The following TRPM6 variants were observed in gnomAD, a reference collection of about 807,000 sequenced individuals.
The protein encoded by TRPM6 is transient receptor potential cation channel subfamily M member 6.
In TRPM6, 111 loss-of-function variants were observed where a neutral mutation model predicts 247.6. That is an observed-to-expected ratio of 0.45 (90% CI 0.38 to 0.52). The LOEUF (loss-of-function observed/expected upper bound fraction) is 0.52. Among genes scored for constraint, TRPM6 ranks in the 20% least tolerant of loss-of-function variants. The pLI is 0.00. For missense variants in TRPM6, 2,126 were observed against 2,421.5 expected, an observed-to-expected ratio of 0.88 and a Z score of 2.56; for synonymous variants, 892 against 853.8, an observed-to-expected ratio of 1.04 and a Z score of -0.78.
chr9:74,854,038 T>C (rs974712153), intron 3 of TRPM6, among the ~76,000 whole-genome samples: 1 of 151,966 alleles, frequency 6.6e-6, no homozygotes, highest in Non-Finnish European at 1.5e-5. Context: ...ATCAAAATAC[T>C]GAAAAGAAAG....
chr9:74,787,939 T>G (rs1464896994), intron 20 of TRPM6, among the ~76,000 whole-genome samples: 1 of 152,100 alleles, frequency 6.6e-6, no homozygotes, highest in Non-Finnish European at 1.5e-5. Context: ...ATGGTCTCGA[T>G]CTCCTGACCT....
intron 1 of TRPM6, among the ~76,000 whole-genome samples, chr9:74,872,763 C>A (rs1206514410): frequency 1.3e-5 from 2 of 152,176 alleles, no homozygotes; most frequent in Admixed American, 6.5e-5. Context: ...AGCCACTGCG[C>A]GGAACCTGAT....
Position 74,763,121 on chromosome 9 carries a change from A to G in TRPM6, c.3550T>C (p.Tyr1184His), listed in dbSNP as rs775495891. 81 of 1,610,874 alleles carry G rather than the reference A, an allele frequency of 5.0e-5. No homozygotes were observed. The highest frequency in any genetic ancestry group is 6.2e-5 in the Non-Finnish European group (73 of 1,180,002). Reference sequence around the variant, plus strand: ...TCATTCATTTCTTTCAGCTGGAAGTACATCTCTGTAACCCTAGTGGTGAAG... The same window carrying G: ...TCATTCATTTCTTTCAGCTGGAAGTGCATCTCTGTAACCCTAGTGGTGAAG... ...RVTSERVTEMYFQLKEMNEKV... is the reference protein window; with the variant it reads ...RVTSERVTEMHFQLKEMNEKV... Residue 1184 changes from tyrosine to histidine, a missense_variant, in exon 26 of 39, where the codon TAC (tyrosine) becomes CAC (histidine). By Grantham distance (83) the Tyr-to-His change is moderately conservative. Coordinates refer to ENST00000360774, the MANE Select transcript of TRPM6 (RefSeq NM_017662.5).
At chr9:74,794,381 G>A (rs147669853) in intron 18 of TRPM6, among the ~76,000 whole-genome samples, 9 of 151,968 alleles carry the variant, frequency 5.9e-5, no homozygotes, top group East Asian at 1.9e-4. Flanking sequence ...TTAAGGCCTC[G>A]GGCATCTAGA....
chr9:74,727,971 T>C (rs1329786136), intron 38 of TRPM6, among the ~76,000 whole-genome samples: 3 of 152,128 alleles, frequency 2.0e-5, no homozygotes, highest in Non-Finnish European at 4.4e-5. Flanking sequence ...TTCATCCCAT[T>C]TAAGTCGGTG....
At chr9:74,873,581 T>C (rs1831094441) in intron 1 of TRPM6, among the ~76,000 whole-genome samples, 1 of 152,222 alleles carries the variant, frequency 6.6e-6, no homozygotes, top group African/African-American at 2.4e-5. Context: ...TCTGAGGATA[T>C]TACAGACTTG....
chr9:74,766,950 T>C (rs572319008), intron 25 of TRPM6, among the ~76,000 whole-genome samples: 1 of 152,132 alleles, frequency 6.6e-6, no homozygotes, highest in Non-Finnish European at 1.5e-5. Flanking sequence ...CAGAGTCACA[T>C]GGCCCATGAA....
At chr9:74,738,046 A>G (rs1174351233) in intron 36 of TRPM6, among the ~76,000 whole-genome samples, 1 of 152,210 alleles carries the variant, frequency 6.6e-6, no homozygotes, top group Non-Finnish European at 1.5e-5. Context: ...AAATCATGAA[A>G]AACACCCAGA....
chr9:74,866,991 A>G (rs957554004), intron 1 of TRPM6, among the ~76,000 whole-genome samples: 2 of 152,190 alleles, frequency 1.3e-5, no homozygotes, highest in Non-Finnish European at 2.9e-5. Context: ...TAACACAAAA[A>G]TTTTCCAAAA....
At chr9:74,851,688 G>C (rs1052497253) in intron 3 of TRPM6, among the ~76,000 whole-genome samples, 1 of 150,974 alleles carries the variant, frequency 6.6e-6, no homozygotes, top group African/African-American at 2.4e-5. Flanking sequence ...GGTGGAGGTT[G>C]TGGTGAGCCA....
At position 74,762,752 on chromosome 9, in the gene TRPM6, T is replaced by C. The variant is rs1826693292; in HGVS notation, c.3919A>G (p.Lys1307Glu). 1 of 1,614,198 alleles carries C rather than the reference T, an allele frequency of 6.2e-7. No homozygotes were observed. The change falls in exon 26 of 39, where the codon AAA becomes GAA. Residue 1307 changes from lysine to glutamate, a missense_variant. By Grantham distance (56) the Lys-to-Glu change is moderately conservative. Coordinates refer to ENST00000360774, the MANE Select transcript of TRPM6 (RefSeq NM_017662.5). ...RGALLEITNS[K>E]REATNVRNDQ... Reference sequence around the variant, plus strand: ...TTTCTTACATTTGTAGCCTCTCTTTTACTGTTTGTAATCTCAAGAAGTGCC... The same window carrying C: ...TTTCTTACATTTGTAGCCTCTCTTTCACTGTTTGTAATCTCAAGAAGTGCC...
chr9:74,866,644 G>A (rs1346677822), intron 1 of TRPM6, among the ~76,000 whole-genome samples: 5 of 151,994 alleles, frequency 3.3e-5, no homozygotes, highest in Non-Finnish European at 7.4e-5. Flanking sequence ...ACCACACCCG[G>A]CTAATTTTGT....
Position 74,855,547 on chromosome 9 carries a change from T to A in TRPM6, c.132A>T (p.Gln44His), listed in dbSNP as rs188804202. The A allele has an allele frequency of 1.9e-6, 3 of 1,608,956 alleles. No individual in the cohort carries two copies. Among genetic ancestry groups the A allele is most frequent in the South Asian group, 2.2e-5 (2 of 90,964 alleles). ...CTTACCTGATTAAATTCTGGCAGACTTGGCATACTGGAGTACATCTAAATT... is the reference window on the plus strand; with the variant it reads ...CTTACCTGATTAAATTCTGGCAGACATGGCATACTGGAGTACATCTAAATT... ...KNPHRCTPVCQVCQNLIRCYC... is the reference protein window; with the variant it reads ...KNPHRCTPVCHVCQNLIRCYC... The change falls in exon 3 of 39, where the codon CAA (glutamine) becomes CAT (histidine). Residue 44 changes from glutamine (Q) to histidine (H), a missense_variant. By Grantham distance (24) the Gln-to-His change is conservative (BLOSUM62 0). Around this residue, in one of 3 missense-constraint regions of TRPM6, gnomAD observed 1,082 missense variants for 1,307.9 expected, o/e 0.83. Coordinates refer to ENST00000360774, the MANE Select transcript of TRPM6 (RefSeq NM_017662.5).
At chr9:74,877,847 C>T (rs1014284989) in intron 1 of TRPM6, among the ~76,000 whole-genome samples, 4 of 152,194 alleles carry the variant, frequency 2.6e-5, no homozygotes, top group Non-Finnish European at 4.4e-5. Context: ...CGCTGCCACT[C>T]CAACTCAGGC....
chr9:74,800,087 C>A, intron 17 of TRPM6, 167 bp downstream of exon 17: 1 of 674,686 alleles, frequency 1.5e-6, no homozygotes, highest in Non-Finnish European at 2.6e-6. Context: ...AATCTTCTGT[C>A]AAGGGTATAC....
intron 9 of TRPM6, among the ~76,000 whole-genome samples, chr9:74,817,591 G>C (rs904642024): frequency 6.6e-6 from 1 of 152,134 alleles, no homozygotes; most frequent in Non-Finnish European, 1.5e-5. Flanking sequence ...CAACACAGAC[G>C]GTCTTTGACT....
At chr9:74,780,191 G>C (rs1827384166) in intron 23 of TRPM6, among the ~76,000 whole-genome samples, 1 of 151,388 alleles carries the variant, frequency 6.6e-6, no homozygotes, top group East Asian at 1.9e-4. Flanking sequence ...ACAGGGGCCA[G>C]GCATGGTGGC....
intron 3 of TRPM6, among the ~76,000 whole-genome samples, chr9:74,853,098 C>T (rs1347309719): frequency 6.6e-6 from 1 of 151,688 alleles, no homozygotes; most frequent in Non-Finnish European, 1.5e-5. Flanking sequence ...CTCTGCCCGG[C>T]CGCGACCCCG....
chr9:74,749,652 C>T (rs994173940), intron 30 of TRPM6, among the ~76,000 whole-genome samples: 31 of 152,140 alleles, frequency 2.0e-4, no homozygotes, highest in Non-Finnish European at 3.4e-4. Flanking sequence ...TGGCCACAGG[C>T]GAGTCTGAAT....
Sources: allele counts gnomAD v4.1 joint callset (sites outside exome capture counted in the v4.1 genomes callset), GRCh38; gene constraint gnomAD v4.1.1; regional missense constraint gnomAD v4.1.1; transcripts MANE v1.5; gene names NCBI Gene and HGNC (gene_info 2026-07-23, HGNC 2026-07-21).